Variants in HAPLN2 observed in about 807,000 individuals in gnomAD.
HAPLN2 encodes the protein hyaluronan and proteoglycan link protein 2.
A neutral mutation model predicts 29.3 loss-of-function variants in HAPLN2; 27 were observed. The observed-to-expected ratio is 0.92, with a 90% CI of 0.68 to 1.27. HAPLN2 has a LOEUF of 1.27. Among genes scored for constraint, HAPLN2 ranks in the 50% most tolerant of loss-of-function variants. HAPLN2 has a pLI of 0.00. For missense variants in HAPLN2, 454 were observed against 484.3 expected (o/e 0.94, Z 0.59); for synonymous variants, 208 against 211.7 (o/e 0.98, Z 0.15).
the HAPLN2 span, chr1:156,601,523 G>C: frequency 5.2e-5 from 78 of 1,488,774 alleles, no homozygotes; most frequent in Non-Finnish European, 6.7e-5. Flanking sequence ...AGAGACGTCC[G>C]CGGGAACCAA....
At chr1:156,612,593 A>G in the HAPLN2 span, among the ~76,000 whole-genome samples, 1 of 152,202 alleles carries the variant, frequency 6.6e-6, no homozygotes. Context: ...TCCCGGAGGA[A>G]GCACAAATGG....
At chr1:156,611,793 T>C in the HAPLN2 span, among the ~76,000 whole-genome samples, 1 of 152,192 alleles carries the variant, frequency 6.6e-6, no homozygotes, top group African/African-American at 2.4e-5. Flanking sequence ...GCTGTAGTTA[T>C]CTAATATTCC....
chr1:156,605,358 G>C, the HAPLN2 span, among the ~76,000 whole-genome samples: 1 of 151,012 alleles, frequency 6.6e-6, no homozygotes, highest in African/African-American at 2.4e-5. Flanking sequence ...TTGCGAGGCC[G>C]ACATGGTCAG....
the HAPLN2 span, among the ~76,000 whole-genome samples, chr1:156,606,423 TAAAAAA>T: frequency 0.013 from 651 of 49,478 alleles, 5 homozygotes; most frequent in Non-Finnish European, 0.02. Context: ...AGACTCTGTC[TAAAAAA>T]AAAAAAAAAA....
upstream of HAPLN2, among the ~76,000 whole-genome samples, chr1:156,617,476 G>A (rs12077674): frequency 1.3e-3 from 197 of 151,574 alleles, no homozygotes; most frequent in African/African-American, 4.6e-3. Flanking sequence ...AGCCTCCCGA[G>A]GAGCTGGGAT....
At position 156,623,562 on chromosome 1, in the gene HAPLN2, C is replaced by T. The variant is rs138640704; in HGVS notation, c.72C>T (p.Ala24=). Residue 24 remains alanine, a synonymous_variant, in exon 3 of 7, where the codon GCC becomes GCT. Coordinates refer to ENST00000255039, the MANE Select transcript of HAPLN2 (RefSeq NM_021817.3). ...GGGCCTTCACCATCTTCCACAAAGC[C>T]CAAGGAGACCCAGGTAAGACCCCAG... ...LLWAFTIFHK[A]QGDPASHPGP... 2,630 of 1,614,122 alleles carry T rather than the reference C, an allele frequency of 1.6e-3. 4 individuals are homozygous for T. Among genetic ancestry groups the T allele is most frequent in the Non-Finnish European group, 1.9e-3 (2,299 of 1,180,000 alleles).
rs1207919606 is a variant in HAPLN2 at position 156,623,033 on chromosome 1, C to CA, written c.-24-427dup. ...TGGACCATGGAGCAACACTCTGTCT[C>CA]AAAAAAATAAATAAATAAATAAATA... is the stretch of plus-strand genomic sequence containing the variant. On this transcript the variant is annotated intron_variant, in intron 2 of 6. Coordinates refer to ENST00000255039, the MANE Select transcript of HAPLN2 (RefSeq NM_021817.3). Among the ~76,000 whole-genome samples the CA allele has an allele frequency of 3.6e-3, 159 of 44,240 alleles. 8 individuals are homozygous for CA. Among genetic ancestry groups the CA allele is most frequent in the African/African-American group, 9.1e-3 (134 of 14,802 alleles). 29.0% of individuals were successfully genotyped at this position (44,240 alleles called of 152,430 possible). A position where few individuals can be genotyped will look rare whatever the true frequency, so the allele number is the denominator to read the frequency against.
At chr1:156,606,590 C>G in the HAPLN2 span, among the ~76,000 whole-genome samples, 782 of 151,614 alleles carry the variant, frequency 5.2e-3, 10 homozygotes, top group African/African-American at 0.018. Context: ...TCAAGCAATC[C>G]TCTCACCTCA....
chr1:156,608,777 G>A, the HAPLN2 span, among the ~76,000 whole-genome samples: 1 of 152,028 alleles, frequency 6.6e-6, no homozygotes, highest in East Asian at 1.9e-4. Flanking sequence ...TCTTGACCTC[G>A]TGATCCACCC....
In HAPLN2 at chr1:156,624,404, G is replaced by A; in HGVS notation, c.493G>A (p.Glu165Lys). ...SRGRYQFNYY[E>K]AKQACEEQDG... The stretch of plus-strand genomic sequence containing the variant: ...GGGCCGGTACCAGTTCAATTACTAC[G>A]AGGCGAAGCAGGCGTGCGAGGAGCA... The change falls in exon 5 of 7, where the codon GAG becomes AAG. Residue 165 changes from glutamate to lysine, a missense_variant. Glu to Lys is a moderately conservative substitution (Grantham distance 56). Transcript: ENST00000255039. 2 of 1,610,724 alleles carry A rather than the reference G, an allele frequency of 1.2e-6. No homozygotes were observed. The highest frequency in any genetic ancestry group is 1.7e-6 in the Non-Finnish European group (2 of 1,178,716).
chr1:156,613,744 C>T, the HAPLN2 span, among the ~76,000 whole-genome samples: 4 of 151,598 alleles, frequency 2.6e-5, no homozygotes, highest in South Asian at 6.3e-4. Context: ...GGTGAAGCCC[C>T]GTCTCTATTA....
At chr1:156,614,450 C>T (rs1200423534), upstream of HAPLN2, among the ~76,000 whole-genome samples, 2 of 152,166 alleles carry the variant, frequency 1.3e-5, no homozygotes, top group Admixed American at 6.5e-5. Flanking sequence ...TCTCAATCTC[C>T]TGACCTCGTG....
At chr1:156,606,316 G>A in the HAPLN2 span, among the ~76,000 whole-genome samples, 1 of 150,588 alleles carries the variant, frequency 6.6e-6, no homozygotes, top group African/African-American at 2.4e-5. Context: ...GGCGGCCCAC[G>A]CCCATAGTCC....
chr1:156,624,879 G>A (rs1323029458), intron 6 of HAPLN2, 96 bp downstream of exon 6: 6 of 1,374,334 alleles, frequency 4.4e-6, no homozygotes, highest in Non-Finnish European at 5.7e-6. Flanking sequence ...CAGGGTCTCC[G>A]GGTCCCTCCA....
At chr1:156,606,369 G>C in the HAPLN2 span, among the ~76,000 whole-genome samples, 9 of 146,202 alleles carry the variant, frequency 6.2e-5, no homozygotes, top group Non-Finnish European at 1.2e-4. Flanking sequence ...CTTGGAGCCT[G>C]AGCTGTGGTT....
At chr1:156,624,909 G>GGGGCCCCCC in intron 6 of HAPLN2, 126 bp downstream of exon 6, 3 of 999,518 alleles carry the variant, frequency 3.0e-6, no homozygotes, top group Non-Finnish European at 4.2e-6. Context: ...CCCCCCATCA[G>GGGGCCCCCC]CCCGCCCGCC....
the HAPLN2 span, among the ~76,000 whole-genome samples, chr1:156,608,425 T>C: frequency 6.6e-6 from 1 of 152,308 alleles, no homozygotes; most frequent in South Asian, 2.1e-4. Context: ...TTGTCTCCTT[T>C]AAAACCTTCA....
upstream of HAPLN2, among the ~76,000 whole-genome samples, chr1:156,616,684 A>G (rs1678066048): frequency 6.6e-6 from 1 of 152,166 alleles, no homozygotes; most frequent in South Asian, 2.1e-4. Flanking sequence ...CCAAGGAGAC[A>G]GGGGGCTATT....
the HAPLN2 span, among the ~76,000 whole-genome samples, chr1:156,606,444 A>G: frequency 1.3e-5 from 2 of 150,298 alleles, no homozygotes; most frequent in East Asian, 3.9e-4. Flanking sequence ...AAAAAAAAAA[A>G]AAAGGAAAGA....
Sources: gnomAD v4.1 joint callset for allele counts (sites outside exome capture counted in the v4.1 genomes callset) on GRCh38, gnomAD v4.1.1 for gene constraint, MANE v1.5 for transcripts, NCBI Gene and HGNC (gene_info 2026-07-23, HGNC 2026-07-21) for gene names.